MYO1F: variants seen among roughly 807,000 people sequenced by gnomAD.
MYO1F encodes unconventional myosin-If.
MYO1F carries 60 observed loss-of-function variants against 146.6 expected under a neutral mutation model. The ratio of observed to expected loss-of-function variants is 0.41; its 90% CI spans 0.33 to 0.51. The LOEUF (loss-of-function observed/expected upper bound fraction) is 0.51, where lower values mean the gene tolerates loss of function less well. Among genes scored for constraint, MYO1F ranks in the 20% least tolerant of loss-of-function variants. The pLI, the probability that MYO1F is intolerant of heterozygous loss-of-function variation, is 0.25. For missense variants in MYO1F, 1,274 were observed against 1,534.3 expected (o/e 0.83, Z 2.83); for synonymous variants, 602 against 602.1 (o/e 1.00, Z 0.00).
intron 4 of MYO1F, among the ~76,000 whole-genome samples, chr19:8,553,768 A>C (rs1973712582): frequency 6.6e-6 from 1 of 151,724 alleles, no homozygotes; most frequent in African/African-American, 2.4e-5. Context: ...GCCACTCAGG[A>C]GGCTGAGGCA....
rs1184880366 is a variant in MYO1F at position 8,553,161 on chromosome 19, C to T, written c.482G>A (p.Arg161His). The T allele has an allele frequency of 1.2e-6, 2 of 1,614,124 alleles. No homozygotes were observed. Among genetic ancestry groups the T allele is most frequent in the South Asian group, 1.1e-5 (1 of 91,084 alleles). ...TACAAAGCGGCTGGAATTGTTGTTG[C>T]GCACAGTCTTGGCGTTGCCGAAGGC... ...LEAFGNAKTV[R>H]NNNSSRFGKY... The change falls in exon 6 of 28, where the codon CGC becomes CAC. Residue 161 changes from arginine (R) to histidine (H), a missense_variant. Transcript: ENST00000644032.
chr19:8,562,386 C>T lies in MYO1F; in HGVS notation c.4-6590G>A, dbSNP rs988046171. On this transcript the variant is annotated intron_variant, in intron 1 of 27. Transcript: ENST00000644032. ...GCACTGGTGCGATCATACCTCACTG[C>T]GGCCTCGAACTCCTGGGCCCAAGCA... 6.6e-5 allele frequency among the ~76,000 whole-genome samples: 10 copies of T among 151,888 alleles called. No individual in the cohort carries two copies. In the East Asian group the frequency reaches 1.5e-3, roughly 23 times the overall value.
Position 8,520,883 on chromosome 19 carries a change from C to A in MYO1F, c.*645G>T. The stretch of plus-strand genomic sequence containing the variant: ...CACGTGATCTGCCCGCCTCAGCCTC[C>A]CAAAGTGCTGGGATTACAGGCGTGA... On this transcript the variant is annotated 3_prime_UTR_variant, in exon 28 of 28. Coordinates refer to ENST00000644032, the MANE Select transcript of MYO1F (RefSeq NM_012335.4). The A allele has an allele frequency of 6.4e-6, 1 of 156,300 alleles. No individual in the cohort carries two copies. Among genetic ancestry groups the A allele is most frequent in the South Asian group, 1.9e-4 (1 of 5,288 alleles). 9.7% of individuals were successfully genotyped at this position (156,300 alleles called of 1,614,324 possible).
chr19:8,565,561 A>C (rs1326188014), intron 1 of MYO1F, among the ~76,000 whole-genome samples: 1 of 151,944 alleles, frequency 6.6e-6, no homozygotes, highest in East Asian at 1.9e-4. Context: ...AATAATAATA[A>C]AAATTAAAAA....
intron 16 of MYO1F, 67 bp downstream of exon 16, chr19:8,539,880 G>A (rs1396549151): frequency 1.8e-5 from 25 of 1,393,996 alleles, no homozygotes; most frequent in Non-Finnish European, 2.1e-5. Flanking sequence ...AACAGAGTCC[G>A]GACCCCAGGT....
chr19:8,521,632 C>G (rs1367629655), intron 27 of MYO1F, 28 bp from the exon 28 acceptor site: 1 of 1,609,640 alleles, frequency 6.2e-7, no homozygotes, highest in Non-Finnish European at 8.5e-7. Flanking sequence ...GCTTGAGGTG[C>G]CCCTAGCTGG....
chr19:8,570,338 GGGATTATA>G (rs1555731536), intron 1 of MYO1F, among the ~76,000 whole-genome samples: 1 of 151,758 alleles, frequency 6.6e-6, no homozygotes, highest in Non-Finnish European at 1.5e-5. Context: ...CCAAAGTGCT[GGGATTATA>G]GGCGTGAGCC....
rs746319059 is a variant in MYO1F at position 8,548,091 on chromosome 19, A to G, written c.1214T>C (p.Phe405Ser). 5 of 1,613,306 alleles carry G rather than the reference A, an allele frequency of 3.1e-6. No homozygotes were observed. In the Admixed American group the frequency reaches 5.0e-5, roughly 16 times the overall value. ...GATTTGCTGCAGCTTCTCATTGACG[A>G]AGTTGATGCAAAACTGCTCGAAGCC... ...KNGFEQFCINFVNEKLQQIFI... is the reference protein window; with the variant it reads ...KNGFEQFCINSVNEKLQQIFI... Residue 405 changes from phenylalanine to serine, a missense_variant, in exon 12 of 28, where the codon TTC (phenylalanine) becomes TCC (serine). Around this residue, in one of 2 missense-constraint regions of MYO1F, gnomAD observed 900 missense variants for 1,155.1 expected, o/e 0.78. Coordinates refer to ENST00000644032, the MANE Select transcript of MYO1F (RefSeq NM_012335.4).
At chr19:8,575,886 C>A (rs546569876) in intron 1 of MYO1F, among the ~76,000 whole-genome samples, 1 of 152,324 alleles carries the variant, frequency 6.6e-6, no homozygotes, top group African/African-American at 2.4e-5. Flanking sequence ...CCCTGCCCAT[C>A]CCAGGACCTG....
intron 1 of MYO1F, chr19:8,576,911 C>T: frequency 3.1e-6 from 1 of 325,690 alleles, no homozygotes; most frequent in Non-Finnish European, 5.8e-6. Context: ...GAACCGGGGC[C>T]AAGAGAGGGG....
At chr19:8,564,407 G>A (rs1395033370) in intron 1 of MYO1F, among the ~76,000 whole-genome samples, 1 of 151,994 alleles carries the variant, frequency 6.6e-6, no homozygotes, top group Non-Finnish European at 1.5e-5. Flanking sequence ...AGAAGGAGGT[G>A]CTGACTGGGA....
chr19:8,550,527 GC>G, intron 9 of MYO1F, 34 bp downstream of exon 9: 1 of 1,613,962 alleles, frequency 6.2e-7, no homozygotes, highest in Non-Finnish European at 8.5e-7. Flanking sequence ...CCACCCACAG[GC>G]CTCCATCCAG....
At chr19:8,574,569 T>TTC (rs1339034761) in intron 1 of MYO1F, among the ~76,000 whole-genome samples, 1 of 86,830 alleles carries the variant, frequency 1.2e-5, no homozygotes, top group Non-Finnish European at 2.3e-5. Flanking sequence ...CTTTCTTTCT[T>TTC]TCTTTCTTTC....
chr19:8,540,782 A>C (rs1314608834), intron 15 of MYO1F, among the ~76,000 whole-genome samples: 1 of 151,426 alleles, frequency 6.6e-6, no homozygotes, highest in East Asian at 1.9e-4. Context: ...AACGTCATGG[A>C]TTGAGACACT....
rs866062697 is a variant in MYO1F at position 8,565,106 on chromosome 19, G to T, written c.4-9310C>A. On this transcript the variant is annotated intron_variant, in intron 1 of 27. Transcript: ENST00000644032. Reference sequence around the variant, plus strand: ...GGATTTCACCATGTTGGCCAGGCTGGTCTGTAACTCCTGACCTCAAGTTCA... The same window carrying T: ...GGATTTCACCATGTTGGCCAGGCTGTTCTGTAACTCCTGACCTCAAGTTCA... Among the ~76,000 whole-genome samples the T allele has an allele frequency of 1.8e-4, 27 of 151,818 alleles. No individual in the cohort carries two copies. The East Asian group carries it at 5.3e-3, about 30-fold the overall frequency.
At chr19:8,541,648 C>G in intron 15 of MYO1F, 5 of 502,048 alleles carry the variant, frequency 1.0e-5, no homozygotes, top group Non-Finnish European at 1.8e-5. Context: ...AGGCTGGTCT[C>G]AAACTCTTGG....
chr19:8,533,295 C>T (rs959631064), intron 19 of MYO1F, among the ~76,000 whole-genome samples: 3 of 151,646 alleles, frequency 2.0e-5, no homozygotes, highest in Non-Finnish European at 4.4e-5. Context: ...TCCCAAAGTG[C>T]TGGGATTACA....
At chr19:8,565,732 G>C (rs2041990641) in intron 1 of MYO1F, among the ~76,000 whole-genome samples, 1 of 151,766 alleles carries the variant, frequency 6.6e-6, no homozygotes, top group Non-Finnish European at 1.5e-5. Flanking sequence ...AGTGCATTTT[G>C]TCTCTGAAGA....
chr19:8,543,675 C>CTGG lies in MYO1F; in HGVS notation c.1524+619_1524+621dup, dbSNP rs1191447239. 1.4e-3 allele frequency among the ~76,000 whole-genome samples: 49 copies of CTGG among 36,190 alleles called. 3 individuals are homozygous for CTGG. In the East Asian group the frequency reaches 0.03, roughly 22 times the overall value. 23.7% of individuals were successfully genotyped at this position (36,190 alleles called of 152,430 possible). On this transcript the variant is annotated intron_variant, in intron 14 of 27. Coordinates refer to ENST00000644032, the MANE Select transcript of MYO1F (RefSeq NM_012335.4). ...GGTGCTGGTGGTGGTGGTGGTGGTG[C>CTGG]TGGTGGTGGTGGTGGTGGTGGTGGT...
Sources: gnomAD v4.1 joint callset for allele counts (sites outside exome capture counted in the v4.1 genomes callset) on GRCh38, gnomAD v4.1.1 for gene constraint, gnomAD v4.1.1 regional missense constraint, MANE v1.5 for transcripts, NCBI Gene and HGNC (gene_info 2026-07-23, HGNC 2026-07-21) for gene names.